The following SPAG16 variants were observed in gnomAD, a reference collection of about 807,000 sequenced individuals.
SPAG16 encodes sperm-associated antigen 16 protein.
Under a neutral mutation model 80.4 loss-of-function variants are expected in SPAG16, and 86 were observed. The ratio of observed to expected loss-of-function variants is 1.07; its 90% CI spans 0.90 to 1.28. The LOEUF is 1.28. Among genes scored for constraint, SPAG16 ranks in the 50% most tolerant of loss-of-function variants. SPAG16 has a pLI of 0.00. For synonymous variants in SPAG16, 294 were observed against 265.9 expected (o/e 1.11, Z -1.03); for missense variants, 870 against 765.3 (o/e 1.14, Z -1.61).
intron 12 of SPAG16, among the ~76,000 whole-genome samples, chr2:213,956,764 A>G (rs1438720627): frequency 3.3e-5 from 5 of 151,994 alleles, no homozygotes; most frequent in Non-Finnish European, 7.4e-5. Flanking sequence ...CTTGATTTTT[A>G]ATGTATGCAT....
At chr2:214,291,355 GAGTGC>G (rs1340085124) in intron 15 of SPAG16, among the ~76,000 whole-genome samples, 1 of 113,852 alleles carries the variant, frequency 8.8e-6, no homozygotes, top group Non-Finnish European at 1.6e-5. Context: ...GCCCAGGCTG[GAGTGC>G]AGTGGCGGGA....
intron 10 of SPAG16, among the ~76,000 whole-genome samples, chr2:213,498,845 T>C (rs2074612342): frequency 6.6e-6 from 1 of 152,092 alleles, no homozygotes; most frequent in Non-Finnish European, 1.5e-5. Context: ...CCTGTGTATT[T>C]TATGTCCAAA....
intron 10 of SPAG16, among the ~76,000 whole-genome samples, chr2:213,563,781 T>C (rs956503276): frequency 9.2e-5 from 14 of 152,238 alleles, no homozygotes; most frequent in Non-Finnish European, 1.9e-4. Context: ...TTGTTCATCT[T>C]CCTCAGTGCT....
chr2:213,285,692 A>G (rs1452085566), intron 1 of SPAG16, among the ~76,000 whole-genome samples: 1 of 152,220 alleles, frequency 6.6e-6, no homozygotes, highest in Non-Finnish European at 1.5e-5. Context: ...ATTAAAGAAA[A>G]TATGTAGTAT....
At chr2:214,403,959 A>G (rs1449227698) in intron 15 of SPAG16, among the ~76,000 whole-genome samples, 5 of 152,230 alleles carry the variant, frequency 3.3e-5, no homozygotes, top group Non-Finnish European at 5.9e-5. Context: ...AATCATTTTG[A>G]ACTAGGATTT....
intron 15 of SPAG16, among the ~76,000 whole-genome samples, chr2:214,226,595 A>C (rs886841911): frequency 6.6e-6 from 1 of 152,042 alleles, no homozygotes; most frequent in African/African-American, 2.4e-5. Flanking sequence ...TTGTTCACCA[A>C]AATGTGGTTG....
intron 11 of SPAG16, among the ~76,000 whole-genome samples, chr2:213,896,384 A>T (rs1382623972): frequency 6.6e-6 from 1 of 151,902 alleles, no homozygotes; most frequent in Non-Finnish European, 1.5e-5. Flanking sequence ...GGAGAACAGC[A>T]TGGAGATACC....
intron 15 of SPAG16, among the ~76,000 whole-genome samples, chr2:214,196,453 T>G (rs1480014733): frequency 6.6e-6 from 1 of 152,068 alleles, no homozygotes; most frequent in East Asian, 1.9e-4. Flanking sequence ...ATTGACTGTT[T>G]AATAGTTCAG....
chr2:213,650,676 C>T (rs1172059705), intron 10 of SPAG16, among the ~76,000 whole-genome samples: 2 of 152,162 alleles, frequency 1.3e-5, no homozygotes, highest in Admixed American at 6.5e-5. Flanking sequence ...TCTATCTGCC[C>T]TTTTCCACTG....
chr2:213,752,206 G>A (rs900873695), intron 10 of SPAG16, among the ~76,000 whole-genome samples: 1 of 152,084 alleles, frequency 6.6e-6, no homozygotes, highest in African/African-American at 2.4e-5. Flanking sequence ...ACTAGATAAG[G>A]ACTTTGTCTT....
At chr2:213,871,865 CACACACACACACACAGAG>C in intron 11 of SPAG16, among the ~76,000 whole-genome samples, 1 of 107,062 alleles carries the variant, frequency 9.3e-6, no homozygotes, top group African/African-American at 3.1e-5. Context: ...CACACACACA[CACACACACACACACAGAG>C]AGAGAGAGAG....
chr2:214,322,257 T>C (rs187527409), intron 15 of SPAG16, among the ~76,000 whole-genome samples: 1 of 152,282 alleles, frequency 6.6e-6, no homozygotes, highest in East Asian at 1.9e-4. Context: ...CCTCCCTAAA[T>C]TCTGATTTCA....
intron 10 of SPAG16, among the ~76,000 whole-genome samples, chr2:213,610,022 C>T (rs550619952): frequency 2.6e-5 from 4 of 152,158 alleles, no homozygotes; most frequent in South Asian, 2.1e-4. Context: ...TACTAGATCC[C>T]GCTGTCACTC....
At chr2:213,754,059 A>G (rs1425136163) in intron 10 of SPAG16, among the ~76,000 whole-genome samples, 4 of 152,202 alleles carry the variant, frequency 2.6e-5, no homozygotes, top group Non-Finnish European at 5.9e-5. Context: ...GTGATCTATT[A>G]TAACTCTCTG....
At chr2:213,827,609 A>G (rs894999890) in intron 10 of SPAG16, among the ~76,000 whole-genome samples, 3 of 152,138 alleles carry the variant, frequency 2.0e-5, no homozygotes, top group Non-Finnish European at 2.9e-5. Context: ...CTTTACTATT[A>G]CCAGTGACCT....
intron 6 of SPAG16, among the ~76,000 whole-genome samples, chr2:213,343,157 C>A (rs1055708144): frequency 1.3e-5 from 2 of 152,154 alleles, no homozygotes; most frequent in Admixed American, 6.6e-5. Flanking sequence ...AAACTCTGAG[C>A]AAAATAGAGA....
At chr2:214,332,962 A>AAGTT (rs1413225225) in intron 15 of SPAG16, among the ~76,000 whole-genome samples, 1 of 152,204 alleles carries the variant, frequency 6.6e-6, no homozygotes, top group East Asian at 1.9e-4. Context: ...TTAACAAAGA[A>AAGTT]AGTTATGATG....
intron 11 of SPAG16, among the ~76,000 whole-genome samples, chr2:213,911,172 A>G (rs1328314651): frequency 6.6e-6 from 1 of 152,176 alleles, no homozygotes; most frequent in Non-Finnish European, 1.5e-5. Flanking sequence ...TGTTTGAGAC[A>G]GAGTCTCACT....
chr2:214,220,827 G>A (rs1439740394), intron 15 of SPAG16, among the ~76,000 whole-genome samples: 3 of 152,124 alleles, frequency 2.0e-5, no homozygotes, highest in Non-Finnish European at 2.9e-5. Context: ...TATGACATGT[G>A]CTGAAGGTAT....
Sources: gnomAD v4.1 joint callset for allele counts (sites outside exome capture counted in the v4.1 genomes callset) on GRCh38, gnomAD v4.1.1 for gene constraint, MANE v1.5 for transcripts, NCBI Gene and HGNC (gene_info 2026-07-23, HGNC 2026-07-21) for gene names.